SHROOM3: variants seen among roughly 807,000 people sequenced by gnomAD.
The protein encoded by SHROOM3 is shroom family member 3, also known as protein Shroom3.
Under a neutral mutation model 138.6 loss-of-function variants are expected in SHROOM3, and 47 were observed. The observed-to-expected ratio is 0.34, with a 90% confidence interval of 0.27 to 0.43. The LOEUF (loss-of-function observed/expected upper bound fraction) is 0.43. Ranked by LOEUF, SHROOM3 falls within the 20% of genes least tolerant of loss-of-function variation. The pLI is 1.00. For synonymous variants in SHROOM3, 1,062 were observed against 1,063.3 expected (o/e 1.00, Z 0.02); for missense variants, 2,491 against 2,596.5 (o/e 0.96, Z 0.88).
rs187669115 is a variant in SHROOM3, at chr4:76,459,914, C to T, written c.168+23694C>T. Among the ~76,000 whole-genome samples the T allele has an allele frequency of 5.9e-5, 9 of 152,192 alleles. No homozygotes were observed. The South Asian group carries it at 1.5e-3, about 25-fold the overall frequency. On this transcript the variant is annotated intron_variant, in intron 1 of 10. Transcript: ENST00000296043. Reference sequence around the variant, plus strand: ...CTCAGTTTTTCCTAGCCTCAGTTTCCTCGTCTACAAAGTATGGATAATGTG... The same window carrying T: ...CTCAGTTTTTCCTAGCCTCAGTTTCTTCGTCTACAAAGTATGGATAATGTG...
Position 76,756,439 on chromosome 4 carries a change from T to C in SHROOM3, c.4710-10T>C. On this transcript the variant is annotated splice_polypyrimidine_tract_variant and intron_variant, in intron 7 of 10. Coordinates refer to ENST00000296043, the MANE Select transcript of SHROOM3 (RefSeq NM_020859.4). ...TCTCTTTTTTTTTTTTTTTTAAATA[T>C]CCCTGGCAGCTTCAACAAACTTTCT... The C allele has an allele frequency of 6.5e-7, 1 of 1,541,788 alleles. No individual in the cohort carries two copies. Among genetic ancestry groups the C allele is most frequent in the Non-Finnish European group, 8.9e-7 (1 of 1,125,612 alleles).
At chr4:76,460,827 CAAAAA>C (rs58793404) in intron 1 of SHROOM3, among the ~76,000 whole-genome samples, 1 of 78,770 alleles carries the variant, frequency 1.3e-5, no homozygotes. Context: ...CCCGTATCTA[CAAAAA>C]AAAAAAAAAA....
intron 1 of SHROOM3, among the ~76,000 whole-genome samples, chr4:76,548,540 T>C (rs2110024888): frequency 6.6e-6 from 1 of 152,344 alleles, no homozygotes; most frequent in South Asian, 2.1e-4. Context: ...CCTACACCTG[T>C]ATTTTTGAAT....
At chr4:76,464,923 C>G (rs1731221876) in intron 1 of SHROOM3, among the ~76,000 whole-genome samples, 1 of 152,124 alleles carries the variant, frequency 6.6e-6, no homozygotes, top group Admixed American at 6.6e-5. Flanking sequence ...CATAAATTAC[C>G]CAATCTCAGG....
At chr4:76,522,340 A>G (rs778909182) in intron 1 of SHROOM3, among the ~76,000 whole-genome samples, 3 of 150,462 alleles carry the variant, frequency 2.0e-5, no homozygotes, top group Non-Finnish European at 4.4e-5. Flanking sequence ...TGATAATGAT[A>G]TAATTATATG....
In SHROOM3 at chr4:76,555,637, T is replaced by C; in HGVS notation, c.197T>C (p.Leu66Pro). Residue 66 changes from leucine to proline, a missense_variant, in exon 2 of 11, where the codon CTG (leucine) becomes CCG (proline). Physicochemically the swap from Leu to Pro is moderately conservative, Grantham distance 98. Around this residue, in one of 4 missense-constraint regions of SHROOM3, gnomAD observed 284 missense variants for 322.8 expected, o/e 0.88. Transcript: ENST00000296043. ...GAAGAAGGGGGCAAAGCAGACACCC[T>C]GAGCTCCAAACTGCAGGCTGGGGAT... is the stretch of plus-strand genomic sequence containing the variant. ...KVEEGGKADT[L>P]SSKLQAGDEV... 6.2e-7 allele frequency: 1 copy of C among 1,613,944 alleles called. No homozygotes were observed. The highest frequency in any genetic ancestry group is 1.1e-5 in the South Asian group (1 of 91,062).
At chr4:76,528,998 A>G (rs893225925) in intron 1 of SHROOM3, among the ~76,000 whole-genome samples, 2 of 152,154 alleles carry the variant, frequency 1.3e-5, no homozygotes, top group Admixed American at 1.3e-4. Flanking sequence ...GGCTTTAGGT[A>G]TCTATCCTCA....
chr4:76,735,867 AAATATATATATATATATATAT>A (rs1721049114), intron 4 of SHROOM3, among the ~76,000 whole-genome samples: 1 of 14,076 alleles, frequency 7.1e-5, no homozygotes, highest in African/African-American at 2.0e-4. Flanking sequence ...AAAAAAAAAA[AAATATATATATATATATATAT>A]ATATATATAT....
At chr4:76,712,369 G>A (rs1041376536) in intron 3 of SHROOM3, among the ~76,000 whole-genome samples, 1 of 152,146 alleles carries the variant, frequency 6.6e-6, no homozygotes, top group Non-Finnish European at 1.5e-5. Flanking sequence ...GGACAGGGAA[G>A]GCAGGAATCA....
At chr4:76,441,897 T>C (rs1730699026) in intron 1 of SHROOM3, among the ~76,000 whole-genome samples, 1 of 152,176 alleles carries the variant, frequency 6.6e-6, no homozygotes, top group Non-Finnish European at 1.5e-5. Context: ...TAATTTTGTA[T>C]TTTTAGTAGA....
intron 1 of SHROOM3, among the ~76,000 whole-genome samples, chr4:76,438,746 ATT>A (rs34026585): frequency 8.0e-4 from 116 of 145,416 alleles, no homozygotes; most frequent in Middle Eastern, 7.1e-3. Context: ...GGCAGGGACT[ATT>A]TTTTTTTTTT....
chr4:76,741,426 G>A lies in SHROOM3; in HGVS notation c.3253G>A (p.Ala1085Thr), dbSNP rs369409987. Residue 1085 changes from alanine (A) to threonine (T), a missense_variant, in exon 5 of 11, where the codon GCC (alanine) becomes ACC (threonine). Physicochemically the swap from Ala to Thr is moderately conservative, Grantham distance 58 (BLOSUM62 0). This residue lies in a region of SHROOM3 where 1,733 missense variants were observed against 1,661.6 expected (regional missense o/e 1.04). Coordinates refer to ENST00000296043, the MANE Select transcript of SHROOM3 (RefSeq NM_020859.4). The surrounding 1 kb of genome is among the most constrained non-coding windows in gnomAD (Gnocchi z 6.2). ...GPELKQFQQS[A>T]LADYIQRKTG... is the part of the protein sequence containing the mutation. ...CGAGCTGAAGCAGTTCCAGCAGAGC[G>A]CCCTGGCGGACTACATCCAGCGCAA... is the stretch of plus-strand genomic sequence containing the variant. 6.2e-5 allele frequency: 98 copies of A among 1,593,016 alleles called. No individual in the cohort carries two copies. Among genetic ancestry groups the A allele is most frequent in the Non-Finnish European group, 7.4e-5 (87 of 1,171,224 alleles).
chr4:76,693,378 T>TTTGTTTG (rs1553937645), intron 2 of SHROOM3, among the ~76,000 whole-genome samples: 6 of 132,150 alleles, frequency 4.5e-5, no homozygotes, highest in South Asian at 2.6e-4. Flanking sequence ...TTGTTTTTTT[T>TTTGTTTG]TTTTTTTTTT....
intron 2 of SHROOM3, among the ~76,000 whole-genome samples, chr4:76,598,990 G>C (rs530461747): frequency 6.6e-6 from 1 of 152,100 alleles, no homozygotes; most frequent in East Asian, 1.9e-4. Flanking sequence ...TGTGGGAGGG[G>C]AAGGAAAGGA....
chr4:76,462,835 T>A (rs1302522998), intron 1 of SHROOM3, among the ~76,000 whole-genome samples: 1 of 152,088 alleles, frequency 6.6e-6, no homozygotes, highest in East Asian at 1.9e-4. Flanking sequence ...ATTTTAAATT[T>A]CCTGAGGCCG....
At chr4:76,707,157 G>A (rs1720080456) in intron 2 of SHROOM3, among the ~76,000 whole-genome samples, 1 of 152,174 alleles carries the variant, frequency 6.6e-6, no homozygotes, top group African/African-American at 2.4e-5. Context: ...TTGGTAATAT[G>A]TTTAGTTAAT....
intron 1 of SHROOM3, among the ~76,000 whole-genome samples, chr4:76,515,196 C>T (rs1579205858): frequency 1.5e-5 from 2 of 134,706 alleles, no homozygotes; most frequent in South Asian, 4.7e-4. Flanking sequence ...GCCTGGGTGA[C>T]AGAGCAAAAC....
chr4:76,555,182 C>A (rs1733458303), intron 1 of SHROOM3, among the ~76,000 whole-genome samples: 2 of 152,000 alleles, frequency 1.3e-5, no homozygotes, highest in Non-Finnish European at 1.5e-5. Flanking sequence ...CCGCCCACAC[C>A]CCATCCGTGG....
In SHROOM3 at chr4:76,739,571, C is replaced by T. The variant is rs747428322; in HGVS notation, c.1398C>T (p.Ser466=). Residue 466 remains serine (S), a synonymous_variant, in exon 5 of 11, where the codon AGC becomes AGT. Transcript: ENST00000296043. ...CTGGCCAACCTCTGCTGCCGACCAGCATCTACCCGGTACCTTCCCTGGAGC... is the reference window on the plus strand; with the variant it reads ...CTGGCCAACCTCTGCTGCCGACCAGTATCTACCCGGTACCTTCCCTGGAGC... The part of the protein sequence containing the change: ...AQPGQPLLPT[S]IYPVPSLEPH... 5 of 1,614,090 alleles carry T rather than the reference C, an allele frequency of 3.1e-6. No individual in the cohort carries two copies. The highest frequency in any genetic ancestry group is 1.3e-5 in the African/African-American group (1 of 74,942).
Sources: allele counts gnomAD v4.1 joint callset (sites outside exome capture counted in the v4.1 genomes callset), GRCh38; gene constraint gnomAD v4.1.1; regional missense constraint gnomAD v4.1.1; non-coding constraint Gnocchi (gnomAD v3.1); transcripts MANE v1.5; gene names NCBI Gene and HGNC (gene_info 2026-07-23, HGNC 2026-07-21).